The following AGAP1 variants were observed in gnomAD, a reference collection of about 807,000 sequenced individuals.
The protein encoded by AGAP1 is arf-GAP with GTPase, ANK repeat and PH domain-containing protein 1.
AGAP1 carries 29 observed loss-of-function variants against 105.3 expected under a neutral mutation model. That is an observed-to-expected ratio of 0.28 (90% confidence interval 0.21 to 0.38). The LOEUF (loss-of-function observed/expected upper bound fraction) is 0.38. AGAP1 is among the 10% of genes least tolerant of loss of function. AGAP1 has a pLI of 1.00. For missense variants in AGAP1, 998 were observed against 1,165.1 expected, an observed-to-expected ratio of 0.86 and a Z score of 2.09; for synonymous variants, 509 against 485.9, an observed-to-expected ratio of 1.05 and a Z score of -0.63.
At chr2:235,592,680 T>C (rs367864321) in intron 1 of AGAP1, among the ~76,000 whole-genome samples, 13 of 152,228 alleles carry the variant, frequency 8.5e-5, no homozygotes, top group African/African-American at 2.6e-4. Flanking sequence ...ACCTCAGTAC[T>C]GCTGGATGTC....
intron 9 of AGAP1, among the ~76,000 whole-genome samples, chr2:235,811,181 A>G (rs889977543): frequency 6.6e-6 from 1 of 151,994 alleles, no homozygotes; most frequent in African/African-American, 2.4e-5. Context: ...TTTAATCTCT[A>G]TATTTGAGTA....
chr2:235,746,830 A>G (rs925304354), intron 5 of AGAP1, among the ~76,000 whole-genome samples: 10 of 152,000 alleles, frequency 6.6e-5, no homozygotes, highest in African/African-American at 2.4e-4. Context: ...GCTTAGACTC[A>G]CTGTGAAAAG....
At chr2:235,619,888 C>T (rs1030455546) in intron 1 of AGAP1, among the ~76,000 whole-genome samples, 6 of 152,120 alleles carry the variant, frequency 3.9e-5, no homozygotes, top group Admixed American at 6.5e-5. Flanking sequence ...GTCCAGAGTG[C>T]GCAGCCAGAC....
intron 9 of AGAP1, among the ~76,000 whole-genome samples, chr2:235,827,686 G>A (rs1959146064): frequency 6.6e-6 from 1 of 152,178 alleles, no homozygotes. Context: ...TAACATCCAC[G>A]GCTGAATCGT....
chr2:235,604,171 T>G (rs1945837014), intron 1 of AGAP1, among the ~76,000 whole-genome samples: 1 of 152,142 alleles, frequency 6.6e-6, no homozygotes, highest in Non-Finnish European at 1.5e-5. Context: ...GGTTCAGATG[T>G]ATCATTCCTC....
rs974375218 is a variant in AGAP1 at position 235,865,473 on chromosome 2, G to A, written c.1051-17872G>A. On this transcript the variant is annotated intron_variant, in intron 9 of 17. Transcript: ENST00000304032. The surrounding 1 kb of genome is among the most constrained non-coding windows in gnomAD (Gnocchi z 6.2). ...GAGATGCTGACAGCTCAATTAAAGT[G>A]TAACCCTTTGTGCCCTGCAACCTGG... Among the ~76,000 whole-genome samples the A allele has an allele frequency of 6.6e-6, 1 of 152,188 alleles. No individual in the cohort carries two copies. Among genetic ancestry groups the A allele is most frequent in the Non-Finnish European group, 1.5e-5 (1 of 68,044 alleles).
chr2:235,543,584 G>C (rs557006257), intron 1 of AGAP1, among the ~76,000 whole-genome samples: 34 of 152,284 alleles, frequency 2.2e-4, no homozygotes, highest in Non-Finnish European at 4.1e-4. Context: ...GTGTTTCCCC[G>C]GCCTCTCCCC....
Position 235,723,765 on chromosome 2 carries a change from CGTTG to C in AGAP1, c.310+6156_310+6159del, listed in dbSNP as rs3834112. Among the ~76,000 whole-genome samples the C allele has an allele frequency of 0.02, 2,942 of 149,998 alleles. 80 individuals carry two copies. Among genetic ancestry groups the C allele is most frequent in the African/African-American group, 0.064 (2,590 of 40,756 alleles). On this transcript the variant is annotated intron_variant, in intron 3 of 17. Coordinates refer to ENST00000304032, the MANE Select transcript of AGAP1 (RefSeq NM_001037131.3). This position sits in a 1 kb window ranked among gnomAD's most constrained non-coding sequence, Gnocchi z 6.2. ...ATATGGATTGAGTGGGAGCTTTTAT[CGTTG>C]GTTGGTTGGTTGGTTGGTTGGTTGG...
intron 1 of AGAP1, among the ~76,000 whole-genome samples, chr2:235,572,861 G>A (rs1421183468): frequency 6.6e-6 from 1 of 152,146 alleles, no homozygotes; most frequent in South Asian, 2.1e-4. Context: ...GCTCGGCTGC[G>A]GGAGCTCCTG....
intron 6 of AGAP1, among the ~76,000 whole-genome samples, chr2:235,771,069 C>T (rs772732603): frequency 5.4e-4 from 82 of 152,238 alleles, no homozygotes; most frequent in South Asian, 1.9e-3. Flanking sequence ...GGAGTGCGGC[C>T]GCCGCAGGTG....
intron 3 of AGAP1, among the ~76,000 whole-genome samples, chr2:235,730,633 A>G (rs1258861248): frequency 6.6e-6 from 1 of 152,138 alleles, no homozygotes; most frequent in Non-Finnish European, 1.5e-5. Flanking sequence ...GGTGTGAGCT[A>G]CCATGCCATT....
At chr2:235,990,931 T>C (rs1479026699) in intron 13 of AGAP1, among the ~76,000 whole-genome samples, 1 of 152,246 alleles carries the variant, frequency 6.6e-6, no homozygotes, top group Non-Finnish European at 1.5e-5. Context: ...AAGGTTCTTT[T>C]CTGCAAAGGC....
intron 9 of AGAP1, among the ~76,000 whole-genome samples, chr2:235,814,352 A>G (rs967373): frequency 0.24 from 35,946 of 152,178 alleles, 5,214 homozygotes; most frequent in Admixed American, 0.4. Context: ...GTGAAATCCA[A>G]TTCCCCTTGA....
intron 11 of AGAP1, among the ~76,000 whole-genome samples, chr2:235,929,865 C>T (rs1271936711): frequency 6.6e-6 from 1 of 152,166 alleles, no homozygotes; most frequent in Non-Finnish European, 1.5e-5. Context: ...ATTATAAAAT[C>T]CTGCACTGTG....
At chr2:236,091,127 T>C (rs941682578) in intron 16 of AGAP1, among the ~76,000 whole-genome samples, 6 of 152,256 alleles carry the variant, frequency 3.9e-5, no homozygotes, top group Non-Finnish European at 7.3e-5. Context: ...CACACGTGCA[T>C]GCGTGTTTGC....
rs1481862309 is a variant in AGAP1, at chr2:236,000,226, T to C, written c.1645+31603T>C. Among the ~76,000 whole-genome samples the C allele has an allele frequency of 1.3e-5, 2 of 152,192 alleles. No homozygotes were observed. Among genetic ancestry groups the C allele is most frequent in the Non-Finnish European group, 2.9e-5 (2 of 68,034 alleles). Reference sequence around the variant, plus strand: ...CTCCTCACTCAATGTCATTCATCAATAGGTTCTTAAAACTTCGACTTGAAG... The same window carrying C: ...CTCCTCACTCAATGTCATTCATCAACAGGTTCTTAAAACTTCGACTTGAAG... On this transcript the variant is annotated intron_variant, in intron 13 of 17. Coordinates refer to ENST00000304032, the MANE Select transcript of AGAP1 (RefSeq NM_001037131.3). This position sits in a 1 kb window ranked among gnomAD's most constrained non-coding sequence, Gnocchi z 4.3.
chr2:235,515,572 T>C (rs896554550), intron 1 of AGAP1, among the ~76,000 whole-genome samples: 2 of 152,144 alleles, frequency 1.3e-5, no homozygotes, highest in African/African-American at 4.8e-5. Context: ...GCGTCATGGG[T>C]ATCATTTTGT....
rs758794882 is a variant in AGAP1, at chr2:235,744,723, T to C, written c.422T>C (p.Ile141Thr). Reference protein sequence around the residue: ...AQFAMWVDAVIFVFSLEDEIS... With the variant: ...AQFAMWVDAVTFVFSLEDEIS... The stretch of plus-strand genomic sequence containing the variant: ...TTTGCCATGTGGGTGGACGCTGTTA[T>C]ATTTGTCTTCAGCTTGGAGGATGAA... The change falls in exon 5 of 18, where the codon ATA (isoleucine) becomes ACA (threonine). Residue 141 changes from isoleucine (I) to threonine (T), a missense_variant. Physicochemically the swap from Ile to Thr is moderately conservative, Grantham distance 89 (BLOSUM62 -1). Around this residue, in one of 3 missense-constraint regions of AGAP1, gnomAD observed 735 missense variants for 833.4 expected, o/e 0.88. Transcript: ENST00000304032. The surrounding 1 kb of genome is among the most constrained non-coding windows in gnomAD (Gnocchi z 5.2). 4.2e-5 allele frequency: 68 copies of C among 1,613,894 alleles called. No homozygotes were observed. In the Admixed American group the frequency reaches 5.5e-4, roughly 13 times the overall value.
chr2:235,678,874 G>A (rs1288346700), intron 1 of AGAP1, among the ~76,000 whole-genome samples: 1 of 152,076 alleles, frequency 6.6e-6, no homozygotes, highest in African/African-American at 2.4e-5. Context: ...CAGCCCCACA[G>A]TAGTGCTGCC....
Sources: allele counts gnomAD v4.1 joint callset (sites outside exome capture counted in the v4.1 genomes callset), GRCh38; gene constraint gnomAD v4.1.1; regional missense constraint gnomAD v4.1.1; non-coding constraint Gnocchi (gnomAD v3.1); transcripts MANE v1.5; gene names NCBI Gene and HGNC (gene_info 2026-07-23, HGNC 2026-07-21).